Variants in PCDHA2 observed in about 807,000 individuals in gnomAD.
The protein encoded by PCDHA2 is protocadherin alpha 2.
PCDHA2 carries 58 observed loss-of-function variants against 66.0 expected under a neutral mutation model. The ratio of observed to expected loss-of-function variants is 0.88; its 90% confidence interval spans 0.71 to 1.09. The LOEUF is 1.09. Ranked by LOEUF, PCDHA2 falls within the 50% of genes least tolerant of loss-of-function variation. PCDHA2 has a pLI of 0.00. For synonymous variants in PCDHA2, 634 were observed against 554.0 expected (o/e 1.14, Z -2.03); for missense variants, 1,267 against 1,242.3 (o/e 1.02, Z -0.30).
intron 3 of PCDHA2, among the ~76,000 whole-genome samples, chr5:141,001,404 T>A (rs965496882): frequency 1.3e-4 from 20 of 152,072 alleles, no homozygotes; most frequent in African/African-American, 4.8e-4. Context: ...GAACAGGGAG[T>A]ATATTTTTAC....
chr5:140,858,618 C>T (rs781842612), intron 1 of PCDHA2: 2 of 1,160,992 alleles, frequency 1.7e-6, no homozygotes, highest in South Asian at 1.6e-5. Context: ...TTTTATCCTA[C>T]CCAGTGTGTC....
chr5:140,808,075 TC>T, intron 1 of PCDHA2: 1 of 1,614,072 alleles, frequency 6.2e-7, no homozygotes, highest in Non-Finnish European at 8.5e-7. Context: ...TTCACATAGA[TC>T]CAATTACTGG....
Position 140,795,989 on chromosome 5 carries a change from A to C in PCDHA2, c.1025A>C (p.Asp342Ala), listed in dbSNP as rs1554119641. ...TGTAAAATTTCATTAAAACTTGTGGACATCAATGATAACACACCAGAAGTC... is the reference window on the plus strand; with the variant it reads ...TGTAAAATTTCATTAAAACTTGTGGCCATCAATGATAACACACCAGAAGTC... ...GHCKISLKLV[D>A]INDNTPEVSI... Residue 342 changes from aspartate (D) to alanine (A), a missense_variant, in exon 1 of 4, where the codon GAC becomes GCC. Physicochemically the swap from Asp to Ala is moderately radical, Grantham distance 126. Coordinates refer to ENST00000526136, the MANE Select transcript of PCDHA2 (RefSeq NM_018905.3). The C allele has an allele frequency of 1.2e-6, 2 of 1,614,148 alleles. No homozygotes were observed. Among genetic ancestry groups the C allele is most frequent in the Non-Finnish European group, 1.7e-6 (2 of 1,180,010 alleles).
In PCDHA2 at chr5:140,842,663, G is replaced by A. The variant is rs2150341486; in HGVS notation, c.2388+45311G>A. The A allele has an allele frequency of 3.4e-5, 54 of 1,595,410 alleles. 5 individuals are homozygous for A. Among genetic ancestry groups the A allele is most frequent in the South Asian group, 1.5e-4 (14 of 90,476 alleles). ...CAGCTTGTCTGTGGAGGTGGCCGAC[G>A]TGAACGACAATGCTCCGGCGTTCGC... On this transcript the variant is annotated intron_variant, in intron 1 of 3. Transcript: ENST00000526136.
chr5:140,965,435 T>C (rs1327952223), intron 1 of PCDHA2, among the ~76,000 whole-genome samples: 1 of 151,992 alleles, frequency 6.6e-6, no homozygotes, highest in Non-Finnish European at 1.5e-5. Context: ...CTGCAGTCAT[T>C]GAAATTGCTG....
intron 2 of PCDHA2, 93 bp downstream of exon 2, chr5:140,979,100 A>C (rs1325676942): frequency 6.5e-7 from 1 of 1,545,710 alleles, no homozygotes; most frequent in African/African-American, 1.4e-5. Context: ...CAGCTGTCAA[A>C]ACTAAAAAGC....
intron 1 of PCDHA2, chr5:140,877,927 A>G: frequency 7.1e-7 from 1 of 1,416,192 alleles, no homozygotes; most frequent in South Asian, 1.6e-5. Flanking sequence ...TTTCTTTATG[A>G]TTCTATCCTT....
At chr5:140,840,874 T>C (rs1776919998) in intron 1 of PCDHA2, among the ~76,000 whole-genome samples, 1 of 152,016 alleles carries the variant, frequency 6.6e-6, no homozygotes, top group Non-Finnish European at 1.5e-5. Context: ...GAGGACAGTT[T>C]ACATTTCTGA....
chr5:140,805,152 T>C, intron 1 of PCDHA2: 1 of 1,561,178 alleles, frequency 6.4e-7, no homozygotes, highest in Non-Finnish European at 8.6e-7. Context: ...TTTGGAATTT[T>C]CACTTCACAG....
chr5:140,892,489 G>A (rs1554185225), intron 1 of PCDHA2, among the ~76,000 whole-genome samples: 1 of 152,180 alleles, frequency 6.6e-6, no homozygotes, highest in Non-Finnish European at 1.5e-5. Context: ...CCAAACATGA[G>A]AGATTGTTTA....
intron 1 of PCDHA2, among the ~76,000 whole-genome samples, chr5:140,832,590 A>G (rs1369874784): frequency 6.6e-6 from 1 of 152,206 alleles, no homozygotes; most frequent in Admixed American, 6.5e-5. Flanking sequence ...GGAAGTAGAG[A>G]ACTATAGCGT....
At chr5:140,995,416 T>G (rs2097682772) in intron 3 of PCDHA2, among the ~76,000 whole-genome samples, 1 of 152,228 alleles carries the variant, frequency 6.6e-6, no homozygotes, top group African/African-American at 2.4e-5. Context: ...TTCATCACAT[T>G]ACTCAGAACA....
At chr5:140,816,654 C>T (rs1554127103) in intron 1 of PCDHA2, 1 of 152,082 alleles carries the variant, frequency 6.6e-6, no homozygotes, top group Non-Finnish European at 1.5e-5. Flanking sequence ...CTCTTCCAGT[C>T]TTTATGGACT....
At chr5:140,970,009 A>G (rs2096376687) in intron 1 of PCDHA2, among the ~76,000 whole-genome samples, 2 of 152,174 alleles carry the variant, frequency 1.3e-5, no homozygotes, top group African/African-American at 4.8e-5. Flanking sequence ...GGAGTGGATG[A>G]TGGTGAGGCA....
At chr5:140,839,159 T>C (rs781039323) in intron 1 of PCDHA2, among the ~76,000 whole-genome samples, 1 of 96,652 alleles carries the variant, frequency 1.0e-5, no homozygotes, top group Admixed American at 9.7e-5. Flanking sequence ...GCTGCTCTTG[T>C]TGAAAGATAT....
chr5:140,808,488 C>T (rs372115820), intron 1 of PCDHA2: 12 of 1,614,170 alleles, frequency 7.4e-6, no homozygotes, highest in Non-Finnish European at 1.0e-5. Context: ...GGCTCGCCTT[C>T]GCTGTGGGCC....
intron 1 of PCDHA2, chr5:140,877,716 G>A: frequency 6.2e-7 from 1 of 1,614,116 alleles, no homozygotes; most frequent in Non-Finnish European, 8.5e-7. Context: ...TGGGGAGTTG[G>A]TCTTACTCGC....
chr5:140,958,077 A>G (rs2095408004), intron 1 of PCDHA2, among the ~76,000 whole-genome samples: 2 of 152,124 alleles, frequency 1.3e-5, no homozygotes, highest in South Asian at 4.1e-4. Flanking sequence ...AGAAGCAAAA[A>G]GTAAAGTTGT....
chr5:140,807,027 G>A, intron 1 of PCDHA2: 2 of 866,006 alleles, frequency 2.3e-6, no homozygotes, highest in African/African-American at 1.7e-5. Context: ...GAGAGAAGGA[G>A]GAAGAAGGGA....
Sources: allele counts gnomAD v4.1 joint callset (sites outside exome capture counted in the v4.1 genomes callset), GRCh38; gene constraint gnomAD v4.1.1; transcripts MANE v1.5; gene names NCBI Gene and HGNC (gene_info 2026-07-23, HGNC 2026-07-21).